Variants in MYO3A observed in about 807,000 individuals in gnomAD.
The protein encoded by MYO3A is myosin IIIA, also known as myosin-IIIa.
Under a neutral mutation model 192.7 loss-of-function variants are expected in MYO3A, and 180 were observed. The observed-to-expected ratio is 0.93, with a 90% confidence interval of 0.83 to 1.06. The LOEUF is 1.06. Among genes scored for constraint, MYO3A ranks in the 50% least tolerant of loss-of-function variants. MYO3A has a pLI of 0.00. For missense variants in MYO3A, 1,896 were observed against 1,905.0 expected (o/e 1.00, Z 0.09); for synonymous variants, 628 against 645.3 (o/e 0.97, Z 0.41).
intron 31 of MYO3A, among the ~76,000 whole-genome samples, chr10:26,188,386 A>G: frequency 6.6e-6 from 1 of 152,024 alleles, no homozygotes; most frequent in African/African-American, 2.4e-5. Context: ...TAGATTCTAG[A>G]TATTAGCCCT....
rs541189709 is a variant in MYO3A, at chr10:26,174,021, T to C, written c.3757T>C (p.Ser1253Pro). 3.7e-6 allele frequency: 6 copies of C among 1,612,270 alleles called. No individual in the cohort carries two copies. The highest frequency in any genetic ancestry group is 5.1e-6 in the Non-Finnish European group (6 of 1,179,680). ...CACAGAGGAGAGGAATTGTGAAGAG[T>C]CAAAAGCAGCATATCTAGAAAGGAA... The part of the protein sequence containing the change: ...RYTEERNCEE[S>P]KAAYLERKAI... The change falls in exon 30 of 35, where the codon TCA becomes CCA. Residue 1253 changes from serine (S) to proline (P), a missense_variant. By Grantham distance (74) the Ser-to-Pro change is moderately conservative. Transcript: ENST00000642920.
chr10:25,966,158 C>T (rs865969809), intron 4 of MYO3A, among the ~76,000 whole-genome samples: 34 of 152,184 alleles, frequency 2.2e-4, no homozygotes, highest in African/African-American at 7.2e-4. Context: ...GCCCCCGCTC[C>T]CTGGTTTCTA....
chr10:26,002,457 G>A (rs936988922), intron 6 of MYO3A, among the ~76,000 whole-genome samples: 5 of 152,316 alleles, frequency 3.3e-5, no homozygotes, highest in East Asian at 1.9e-4. Flanking sequence ...CTGCTGTGTC[G>A]TTCCCCTATT....
intron 23 of MYO3A, among the ~76,000 whole-genome samples, chr10:26,150,605 G>A (rs1011380235): frequency 1.1e-4 from 17 of 152,100 alleles, no homozygotes; most frequent in East Asian, 5.8e-4. Flanking sequence ...TATTGACACC[G>A]TTGATTACAA....
chr10:26,111,817 G>A (rs1378532192), intron 17 of MYO3A, among the ~76,000 whole-genome samples: 3 of 152,194 alleles, frequency 2.0e-5, no homozygotes, highest in Non-Finnish European at 4.4e-5. Context: ...GCTAATAGAA[G>A]CTCAGGGCAT....
chr10:25,963,722 A>G (rs1394908205), intron 4 of MYO3A, among the ~76,000 whole-genome samples: 10 of 152,184 alleles, frequency 6.6e-5, no homozygotes, highest in African/African-American at 1.9e-4. Context: ...GTAAAAGGCT[A>G]TTATTTGGTG....
Position 26,197,872 on chromosome 10 carries a change from A to T in MYO3A, c.4546-3393A>T, listed in dbSNP as rs115595491. On this transcript the variant is annotated intron_variant, in intron 32 of 34. Coordinates refer to ENST00000642920, the MANE Select transcript of MYO3A (RefSeq NM_017433.5). ...TGAGCCACCACACCCAGCCTTCTTC[A>T]GTGCATTTATAAATATTTATTTGTC... 6.1e-3 allele frequency among the ~76,000 whole-genome samples: 932 copies of T among 152,258 alleles called. 6 individuals are homozygous for T. Among genetic ancestry groups the T allele is most frequent in the African/African-American group, 0.022 (895 of 41,564 alleles).
chr10:26,074,210 C>T (rs528122095), intron 14 of MYO3A, among the ~76,000 whole-genome samples: 181 of 152,052 alleles, frequency 1.2e-3, no homozygotes, highest in Non-Finnish European at 2.2e-3. Flanking sequence ...TGCAAAACAC[C>T]AATAGGTTCA....
chr10:26,033,800 G>A (rs937799864), intron 10 of MYO3A, among the ~76,000 whole-genome samples: 3 of 152,134 alleles, frequency 2.0e-5, no homozygotes, highest in East Asian at 1.9e-4. Flanking sequence ...AGCACCATGA[G>A]GGATAAACTG....
At chr10:26,085,920 G>A (rs1836276355) in intron 14 of MYO3A, among the ~76,000 whole-genome samples, 1 of 152,132 alleles carries the variant, frequency 6.6e-6, no homozygotes, top group Admixed American at 6.5e-5. Context: ...CCTTCTCTAT[G>A]TGGCCTTTCT....
In MYO3A at chr10:26,143,538, G is replaced by T. The variant is rs202001447; in HGVS notation, c.2353G>T (p.Gly785Cys). Residue 785 changes from glycine to cysteine, a missense_variant, in exon 21 of 35, where the codon GGT (glycine) becomes TGT (cysteine). Gly to Cys is a radical substitution (Grantham distance 159). Transcript: ENST00000642920. ...LLDMFLQKPM[G>C]LLSLLDEESR... ...AGATATGTTTCTGCAAAAGCCAATG[G>T]GTTTACTTTCCCTACTTGATGAAGA... 229 of 1,613,858 alleles carry T rather than the reference G, an allele frequency of 1.4e-4. No individual in the cohort carries two copies. The highest frequency in any genetic ancestry group is 1.8e-4 in the Non-Finnish European group (217 of 1,179,958).
Position 26,065,585 on chromosome 10 carries a change from CAAAAAAAAAAAA to C in MYO3A, c.954-1373_954-1362del, listed in dbSNP as rs33982842. Reference sequence around the variant, plus strand: ...GGGTGACAGAGCGAGACTCCATCTCCAAAAAAAAAAAAAAAAAAAAAAAAAAAAGTATACATA... The same window carrying C: ...GGGTGACAGAGCGAGACTCCATCTCCAAAAAAAAAAAAAAAAGTATACATA... On this transcript the variant is annotated intron_variant, in intron 10 of 34. Coordinates refer to ENST00000642920, the MANE Select transcript of MYO3A (RefSeq NM_017433.5). Among the ~76,000 whole-genome samples the C allele has an allele frequency of 2.1e-4, 5 of 23,262 alleles. 1 individual carries two copies. The South Asian group carries it at 6.1e-3, about 28-fold the overall frequency. The allele number at this position is 23,262 out of a possible 152,430, so 15.3% of individuals were successfully genotyped here.
intron 4 of MYO3A, among the ~76,000 whole-genome samples, chr10:25,980,448 T>G (rs1414410090): frequency 6.6e-6 from 1 of 152,172 alleles, no homozygotes; most frequent in East Asian, 1.9e-4. Context: ...TACTTGTTGA[T>G]TTTAAAGGAA....
At chr10:26,158,887 A>G (rs1841312130) in intron 26 of MYO3A, among the ~76,000 whole-genome samples, 4 of 152,136 alleles carry the variant, frequency 2.6e-5, no homozygotes, top group Admixed American at 2.6e-4. Flanking sequence ...TTGCACATCA[A>G]ACTTGATTTC....
Position 26,088,410 on chromosome 10 carries a change from G to T in MYO3A, c.1562+5G>T. The T allele has an allele frequency of 6.2e-7, 1 of 1,611,100 alleles. No homozygotes were observed. The highest frequency in any genetic ancestry group is 1.1e-5 in the South Asian group (1 of 91,018). On this transcript the variant is annotated splice_donor_5th_base_variant and intron_variant, in intron 15 of 34. Coordinates refer to ENST00000642920, the MANE Select transcript of MYO3A (RefSeq NM_017433.5). Reference sequence around the variant, plus strand: ...CCGAGTTATCCACCAAGCTATGTAAGTTTATTTCAAATCTCTCCTATTTTG... The same window carrying T: ...CCGAGTTATCCACCAAGCTATGTAATTTTATTTCAAATCTCTCCTATTTTG...
chr10:26,186,376 C>T (rs1163393084), intron 31 of MYO3A, among the ~76,000 whole-genome samples: 1 of 151,592 alleles, frequency 6.6e-6, no homozygotes, highest in Non-Finnish European at 1.5e-5. Flanking sequence ...ACACCATTCT[C>T]CTGCCTCAGC....
chr10:26,194,877 G>T (rs1843329100), intron 32 of MYO3A, among the ~76,000 whole-genome samples: 1 of 152,020 alleles, frequency 6.6e-6, no homozygotes. Flanking sequence ...ATACACATGG[G>T]CATCCATGTA....
At chr10:26,080,764 C>G (rs760966554) in intron 14 of MYO3A, among the ~76,000 whole-genome samples, 4 of 152,132 alleles carry the variant, frequency 2.6e-5, no homozygotes, top group Non-Finnish European at 4.4e-5. Flanking sequence ...GTAGTACTCT[C>G]CCTCTTTTCC....
At chr10:25,954,663 A>G (rs1018396768) in intron 3 of MYO3A, among the ~76,000 whole-genome samples, 1 of 152,114 alleles carries the variant, frequency 6.6e-6, no homozygotes, top group Non-Finnish European at 1.5e-5. Flanking sequence ...GATGAAATTA[A>G]TATAACTTGA....
Sources: gnomAD v4.1 joint callset for allele counts (sites outside exome capture counted in the v4.1 genomes callset) on GRCh38, gnomAD v4.1.1 for gene constraint, MANE v1.5 for transcripts, NCBI Gene and HGNC (gene_info 2026-07-23, HGNC 2026-07-21) for gene names.